Variants in SEMA6D observed in about 807,000 individuals in gnomAD.
The protein encoded by SEMA6D is semaphorin 6D.
SEMA6D carries 35 observed loss-of-function variants against 106.6 expected under a neutral mutation model. The ratio of observed to expected loss-of-function variants is 0.33; its 90% confidence interval spans 0.25 to 0.44. SEMA6D has a LOEUF of 0.44. SEMA6D is among the 20% of genes least tolerant of loss of function. The probability of loss-of-function intolerance (pLI) is 1.00; values close to 1 mark genes in which losing one functional copy is unlikely to be tolerated. For synonymous variants in SEMA6D, 499 were observed against 487.7 expected, an observed-to-expected ratio of 1.02 and a Z score of -0.31; for missense variants, 1,185 against 1,345.9, an observed-to-expected ratio of 0.88 and a Z score of 1.87.
intron 4 of SEMA6D, among the ~76,000 whole-genome samples, chr15:47,663,927 G>A (rs1322612590): frequency 6.6e-6 from 1 of 152,148 alleles, no homozygotes; most frequent in Non-Finnish European, 1.5e-5. Flanking sequence ...GAGCGCTTGT[G>A]GGATCAGAAT....
chr15:47,762,425 TA>T, intron 8 of SEMA6D, 106 bp downstream of exon 8: 1 of 1,282,372 alleles, frequency 7.8e-7, no homozygotes, highest in Non-Finnish European at 1.1e-6. Flanking sequence ...TTATATTGTT[TA>T]TTTAGAACAA....
chr15:47,397,127 G>C (rs921882351), intron 1 of SEMA6D, among the ~76,000 whole-genome samples: 3 of 152,138 alleles, frequency 2.0e-5, no homozygotes, highest in African/African-American at 7.2e-5. Flanking sequence ...GAAGGACTGA[G>C]GAAGGAATGG....
intron 2 of SEMA6D, among the ~76,000 whole-genome samples, chr15:47,420,748 C>G (rs936412083): frequency 6.6e-6 from 1 of 152,116 alleles, no homozygotes; most frequent in African/African-American, 2.4e-5. Context: ...GAGGCACTAC[C>G]TATGATCAGT....
intron 4 of SEMA6D, among the ~76,000 whole-genome samples, chr15:47,614,355 A>C (rs1459134875): frequency 6.6e-6 from 1 of 152,196 alleles, no homozygotes; most frequent in Non-Finnish European, 1.5e-5. Flanking sequence ...ATACATAACC[A>C]TTCAGATGGT....
chr15:47,628,465 G>A (rs1258734333), intron 4 of SEMA6D, among the ~76,000 whole-genome samples: 4 of 152,056 alleles, frequency 2.6e-5, no homozygotes, highest in African/African-American at 9.7e-5. Flanking sequence ...TGATGGGTGT[G>A]AAATGATAGC....
chr15:47,315,858 A>C (rs562790957), intron 1 of SEMA6D, among the ~76,000 whole-genome samples: 79 of 152,200 alleles, frequency 5.2e-4, no homozygotes, highest in African/African-American at 1.9e-3. Context: ...TCATTTAAAT[A>C]GTATTGCATT....
At chr15:47,764,854 C>T in intron 12 of SEMA6D, 29 bp from the exon 13 acceptor site, 1 of 1,613,648 alleles carries the variant, frequency 6.2e-7, no homozygotes, top group Non-Finnish European at 8.5e-7. Context: ...TTGGCCTCCC[C>T]TTCTGATCTG....
At chr15:47,420,303 T>G (rs568769331) in intron 2 of SEMA6D, among the ~76,000 whole-genome samples, 1 of 152,114 alleles carries the variant, frequency 6.6e-6, no homozygotes, top group Non-Finnish European at 1.5e-5. Context: ...ACTGTGAAAC[T>G]GATTTTCGTC....
At chr15:47,683,551 T>C (rs772764347) in intron 4 of SEMA6D, among the ~76,000 whole-genome samples, 2 of 152,160 alleles carry the variant, frequency 1.3e-5, no homozygotes, top group Non-Finnish European at 2.9e-5. Context: ...ACTCAGTGCT[T>C]TTATGTTTTG....
intron 3 of SEMA6D, among the ~76,000 whole-genome samples, chr15:47,540,527 C>T (rs1324631948): frequency 6.6e-6 from 1 of 152,026 alleles, no homozygotes; most frequent in East Asian, 1.9e-4. Flanking sequence ...ATTGTAGTTC[C>T]TGGTAACGCA....
At chr15:47,284,258 C>T (rs2142617855) in intron 1 of SEMA6D, among the ~76,000 whole-genome samples, 1 of 152,272 alleles carries the variant, frequency 6.6e-6, no homozygotes, top group East Asian at 1.9e-4. Flanking sequence ...TATATGGTGA[C>T]AGTTAAACAC....
intron 1 of SEMA6D, among the ~76,000 whole-genome samples, chr15:47,228,068 GAATTCAAGA>G (rs1358081611): frequency 1.5e-5 from 2 of 133,740 alleles, no homozygotes; most frequent in Non-Finnish European, 3.2e-5. Flanking sequence ...TTATATATAA[GAATTCAAGA>G]AATTGAATCC....
chr15:47,559,936 C>T lies in SEMA6D; in HGVS notation c.-86-40929C>T, dbSNP rs552794513. On this transcript the variant is annotated intron_variant, in intron 3 of 19. Transcript: ENST00000558014. ...ATCTTGGGCTGAAGTCAAAGTTATGCAGACACAGAGATGATCCCTAGGAAG... is the reference window on the plus strand; with the variant it reads ...ATCTTGGGCTGAAGTCAAAGTTATGTAGACACAGAGATGATCCCTAGGAAG... 3.9e-5 allele frequency among the ~76,000 whole-genome samples: 6 copies of T among 152,064 alleles called. No individual in the cohort carries two copies. In the South Asian group the frequency reaches 1.3e-3, roughly 32 times the overall value.
At chr15:47,689,723 C>T (rs559017390) in intron 4 of SEMA6D, among the ~76,000 whole-genome samples, 53 of 152,208 alleles carry the variant, frequency 3.5e-4, no homozygotes, top group Admixed American at 7.9e-4. Context: ...AGATGCCCTG[C>T]CAACACACTG....
chr15:47,289,572 A>C (rs568576072), intron 1 of SEMA6D, among the ~76,000 whole-genome samples: 1 of 152,046 alleles, frequency 6.6e-6, no homozygotes, highest in East Asian at 1.9e-4. Flanking sequence ...GGAAAGCAAG[A>C]GTGGTTGTGA....
At chr15:47,381,794 T>C (rs549574765) in intron 1 of SEMA6D, among the ~76,000 whole-genome samples, 1 of 152,318 alleles carries the variant, frequency 6.6e-6, no homozygotes, top group African/African-American at 2.4e-5. Flanking sequence ...ATATTGAACT[T>C]GTAGCCACCA....
chr15:47,345,406 G>T (rs1173864522), intron 1 of SEMA6D, among the ~76,000 whole-genome samples: 2 of 152,236 alleles, frequency 1.3e-5, no homozygotes, highest in East Asian at 3.9e-4. Flanking sequence ...ATCTGCTCAT[G>T]TATGGACACT....
chr15:47,754,913 A>G (rs1334736884), intron 1 of SEMA6D, among the ~76,000 whole-genome samples: 2 of 149,760 alleles, frequency 1.3e-5, no homozygotes, highest in Admixed American at 6.6e-5. Context: ...AAACACATCT[A>G]TTAAGAAGAT....
At chr15:47,235,277 C>T (rs991576323) in intron 1 of SEMA6D, among the ~76,000 whole-genome samples, 37 of 151,970 alleles carry the variant, frequency 2.4e-4, no homozygotes, top group Non-Finnish European at 4.3e-4. Flanking sequence ...TATTTTCTTC[C>T]ATTTTGTGAG....
Sources: allele counts gnomAD v4.1 joint callset (sites outside exome capture counted in the v4.1 genomes callset), GRCh38; gene constraint gnomAD v4.1.1; transcripts MANE v1.5; gene names NCBI Gene and HGNC (gene_info 2026-07-23, HGNC 2026-07-21).